Variants in GTF2F2 observed in about 807,000 individuals in gnomAD.
The protein encoded by GTF2F2 is ATP-dependent helicase GTF2F2.
In GTF2F2, 23 loss-of-function variants were observed where a neutral mutation model predicts 42.2. The ratio of observed to expected loss-of-function variants is 0.55; its 90% confidence interval spans 0.39 to 0.77. The LOEUF is 0.77. Among genes scored for constraint, GTF2F2 ranks in the 30% least tolerant of loss-of-function variants. GTF2F2 has a pLI of 0.00. For missense variants in GTF2F2, 261 were observed against 287.2 expected (o/e 0.91, Z 0.66); for synonymous variants, 105 against 100.8 (o/e 1.04, Z -0.25).
chr13:45,186,374 C>T (rs1872427837), intron 4 of GTF2F2, among the ~76,000 whole-genome samples: 1 of 151,618 alleles, frequency 6.6e-6, no homozygotes, highest in Non-Finnish European at 1.5e-5. Context: ...TCACTTCAAC[C>T]TCCACCTCCT....
rs542009190 is a variant in GTF2F2 at position 45,169,074 on chromosome 13, C to T, written c.304+17243C>T. ...TTCTCCATGTTGGCCAGGTTGGTTTCGAACTCCTGACCTCAAGTGATCCGA... is the reference window on the plus strand; with the variant it reads ...TTCTCCATGTTGGCCAGGTTGGTTTTGAACTCCTGACCTCAAGTGATCCGA... On this transcript the variant is annotated intron_variant, in intron 4 of 7. Coordinates refer to ENST00000340473, the MANE Select transcript of GTF2F2 (RefSeq NM_004128.3). Among the ~76,000 whole-genome samples, 9 of 151,634 alleles carry T rather than the reference C, an allele frequency of 5.9e-5. No individual in the cohort carries two copies. The East Asian group carries it at 9.7e-4, about 16-fold the overall frequency.
intron 5 of GTF2F2, among the ~76,000 whole-genome samples, chr13:45,229,262 C>T (rs1874543964): frequency 2.0e-5 from 3 of 152,090 alleles, no homozygotes. Flanking sequence ...ATTGCACACC[C>T]TTCCTGAAAT....
intron 7 of GTF2F2, among the ~76,000 whole-genome samples, chr13:45,273,966 T>C (rs1876914247): frequency 6.6e-6 from 1 of 152,238 alleles, no homozygotes. Flanking sequence ...GGGCTCTGCG[T>C]TTAAGAAAAC....
At chr13:45,213,357 G>A (rs1460662148) in intron 5 of GTF2F2, among the ~76,000 whole-genome samples, 1 of 152,144 alleles carries the variant, frequency 6.6e-6, no homozygotes, top group Non-Finnish European at 1.5e-5. Flanking sequence ...GGGATTACAG[G>A]TATGAGCCAC....
At chr13:45,231,038 G>A (rs1874651350) in intron 5 of GTF2F2, among the ~76,000 whole-genome samples, 1 of 151,790 alleles carries the variant, frequency 6.6e-6, no homozygotes, top group South Asian at 2.1e-4. Context: ...TTGTATCACA[G>A]AAGTTCATAT....
At chr13:45,247,295 C>T (rs535909843) in intron 5 of GTF2F2, among the ~76,000 whole-genome samples, 8 of 151,822 alleles carry the variant, frequency 5.3e-5, no homozygotes, top group South Asian at 2.1e-4. Context: ...GCTGGTATCA[C>T]GCCACTGCAC....
At chr13:45,139,523 A>G (rs1869813561) in intron 2 of GTF2F2, among the ~76,000 whole-genome samples, 1 of 151,748 alleles carries the variant, frequency 6.6e-6, no homozygotes, top group Non-Finnish European at 1.5e-5. Flanking sequence ...TTACTCCCAC[A>G]TTTCTTTTCG....
chr13:45,193,686 G>C, intron 4 of GTF2F2: 7 of 1,060,740 alleles, frequency 6.6e-6, no homozygotes, highest in Non-Finnish European at 9.7e-6. Flanking sequence ...GGGCTCTGTA[G>C]TACAGAGCTA....
intron 4 of GTF2F2, among the ~76,000 whole-genome samples, chr13:45,189,751 A>G (rs1270964556): frequency 6.6e-6 from 1 of 152,222 alleles, no homozygotes; most frequent in African/African-American, 2.4e-5. Flanking sequence ...AATACCATTC[A>G]GGACATAGGC....
Position 45,284,558 on chromosome 13 carries a change from A to G in GTF2F2, c.*997A>G, listed in dbSNP as rs1877387892. On this transcript the variant is annotated 3_prime_UTR_variant, in exon 8 of 8. Coordinates refer to ENST00000340473, the MANE Select transcript of GTF2F2 (RefSeq NM_004128.3). ...TCAAGACCATCAAACAAAACAAAGA[A>G]GCTTAAGTGAACTAAGCACAGGGAA... The G allele has an allele frequency of 6.6e-6, 1 of 152,208 alleles. No individual in the cohort carries two copies. 9.4% of individuals were successfully genotyped at this position (152,208 alleles called of 1,614,324 possible).
chr13:45,238,750 G>A (rs1875127926), intron 5 of GTF2F2, among the ~76,000 whole-genome samples: 1 of 151,994 alleles, frequency 6.6e-6, no homozygotes, highest in South Asian at 2.1e-4. Context: ...TTCGAGACCA[G>A]CCTGACCAAC....
intron 4 of GTF2F2, among the ~76,000 whole-genome samples, chr13:45,167,426 C>T (rs1336543884): frequency 7.3e-6 from 1 of 136,534 alleles, no homozygotes; most frequent in Non-Finnish European, 1.6e-5. Context: ...TGAGATAGAG[C>T]CTTGCTGTGT....
chr13:45,229,040 T>TGC (rs1351253346), intron 5 of GTF2F2, among the ~76,000 whole-genome samples: 2 of 151,996 alleles, frequency 1.3e-5, no homozygotes, highest in African/African-American at 4.8e-5. Flanking sequence ...TGCCACCACA[T>TGC]CCGGCTAATT....
At chr13:45,132,725 G>C (rs775207619) in intron 1 of GTF2F2, among the ~76,000 whole-genome samples, 3 of 151,850 alleles carry the variant, frequency 2.0e-5, no homozygotes, top group Non-Finnish European at 4.4e-5. Flanking sequence ...GCAAGTAAAA[G>C]TATCCAATTG....
In GTF2F2 at chr13:45,151,703, A is replaced by T. The variant is rs752948331; in HGVS notation, c.176A>T (p.Asn59Ile). 1.9e-5 allele frequency: 31 copies of T among 1,606,478 alleles called. No individual in the cohort carries two copies. Among genetic ancestry groups the T allele is most frequent in the Non-Finnish European group, 2.5e-5 (29 of 1,173,976 alleles). The change falls in exon 4 of 8, where the codon AAT becomes ATT. Residue 59 changes from asparagine (N) to isoleucine (I), a missense_variant. Asn to Ile is a moderately radical substitution (Grantham distance 149, BLOSUM62 -3). Coordinates refer to ENST00000340473, the MANE Select transcript of GTF2F2 (RefSeq NM_004128.3). ...QGRTEVSFTL[N>I]EDLANIHDIG... is the part of the protein sequence containing the mutation. ...GTCTATTAGGTGTCATTTACTTTGAATGAGGATCTTGCAAATATTCATGAT... is the reference window on the plus strand; with the variant it reads ...GTCTATTAGGTGTCATTTACTTTGATTGAGGATCTTGCAAATATTCATGAT...
intron 4 of GTF2F2, among the ~76,000 whole-genome samples, chr13:45,178,980 T>G (rs1454599544): frequency 6.6e-6 from 1 of 152,200 alleles, no homozygotes; most frequent in East Asian, 1.9e-4. Flanking sequence ...CTTTGTGGTT[T>G]CTCTTTAGTG....
chr13:45,129,462 A>C (rs1869222754), intron 1 of GTF2F2, among the ~76,000 whole-genome samples: 1 of 152,168 alleles, frequency 6.6e-6, no homozygotes, highest in South Asian at 2.1e-4. Flanking sequence ...CACCCACCTC[A>C]GCCTCCCAAA....
At chr13:45,151,387 G>A (rs1228904634) in intron 3 of GTF2F2, among the ~76,000 whole-genome samples, 1 of 151,976 alleles carries the variant, frequency 6.6e-6, no homozygotes, top group Admixed American at 6.6e-5. Context: ...AAGAGACAGG[G>A]TCTTGCTTTG....
In GTF2F2 at chr13:45,267,276, G is replaced by A; in HGVS notation, c.530G>A (p.Arg177Gln). Residue 177 changes from arginine to glutamine, a missense_variant, in exon 7 of 8, where the codon CGA becomes CAA. Coordinates refer to ENST00000340473, the MANE Select transcript of GTF2F2 (RefSeq NM_004128.3). ...RKKKEDGKRA[R>Q]ADKQHVLDML... is the part of the protein sequence containing the mutation. ...AAGAAAGAAGACGGAAAGCGAGCTCGAGCTGATAAACAACATGTTTTAGAC... is the reference window on the plus strand; with the variant it reads ...AAGAAAGAAGACGGAAAGCGAGCTCAAGCTGATAAACAACATGTTTTAGAC... The A allele has an allele frequency of 6.2e-7, 1 of 1,612,440 alleles. No individual in the cohort carries two copies. The highest frequency in any genetic ancestry group is 1.3e-5 in the African/African-American group (1 of 74,990).
Sources: allele counts gnomAD v4.1 joint callset (sites outside exome capture counted in the v4.1 genomes callset), GRCh38; gene constraint gnomAD v4.1.1; transcripts MANE v1.5; gene names NCBI Gene and HGNC (gene_info 2026-07-23, HGNC 2026-07-21).